Variants in PIGP observed in about 807,000 individuals in gnomAD.
The protein encoded by PIGP is phosphatidylinositol N-acetylglucosaminyltransferase subunit P.
A neutral mutation model predicts 16.9 loss-of-function variants in PIGP; 12 were observed. The ratio of observed to expected loss-of-function variants is 0.71; its 90% CI spans 0.46 to 1.15. The LOEUF is 1.15. Among genes scored for constraint, PIGP ranks in the 50% most tolerant of loss-of-function variants. PIGP has a pLI of 0.00. For missense variants in PIGP, 159 were observed against 153.5 expected (o/e 1.04, Z -0.19); for synonymous variants, 57 against 54.7 (o/e 1.04, Z -0.18).
chr21:37,070,177 A>G (rs889216325), intron 2 of PIGP, among the ~76,000 whole-genome samples: 20 of 152,198 alleles, frequency 1.3e-4, no homozygotes, highest in African/African-American at 3.6e-4. Context: ...AGCATTCTGT[A>G]TGCATTAAGA....
rs778481061 is a variant in PIGP at position 37,065,602 on chromosome 21, CT to C, written c.384del (p.Glu129AsnfsTer34). On this transcript the variant is annotated frameshift_variant, in exon 5 of 5. Coordinates refer to ENST00000360525, the MANE Select transcript of PIGP (RefSeq NM_153682.3). LOFTEE classifies it high-confidence loss of function. ...EVNQMFFLAA[K>X]ELYTKN Reference sequence around the variant, plus strand: ...ACAGTTCAGTTTTTGGTGTAAAGTTCTTTGGCTGCAAGAAAGAACATTTGGT... The same window carrying C: ...ACAGTTCAGTTTTTGGTGTAAAGTTCTTGGCTGCAAGAAAGAACATTTGGT... The C allele has an allele frequency of 3.1e-5, 50 of 1,612,974 alleles. No homozygotes were observed. Among genetic ancestry groups the C allele is most frequent in the Non-Finnish European group, 4.0e-5 (47 of 1,179,644 alleles).
In PIGP at chr21:37,067,426, T is replaced by C. The variant is rs201734246; in HGVS notation, c.156-46A>G. The C allele has an allele frequency of 2.6e-4, 290 of 1,096,574 alleles. 1 individual carries two copies. Among genetic ancestry groups the C allele is most frequent in the Non-Finnish European group, 5.1e-5 (37 of 727,550 alleles). The allele number at this position is 1,096,574 out of a possible 1,614,324, so 67.9% of individuals were successfully genotyped here. On this transcript the variant is annotated intron_variant, in intron 3 of 4. Coordinates refer to ENST00000360525, the MANE Select transcript of PIGP (RefSeq NM_153682.3). ...GTACATAATAGACACTTTAAAAAAG[T>C]TGTAATTCTCAAGAGTCGGTCACAA... is the stretch of plus-strand genomic sequence containing the variant.
chr21:37,066,580 A>G lies in PIGP; in HGVS notation c.274+682T>C, dbSNP rs184198100. Among the ~76,000 whole-genome samples, 61 of 152,342 alleles carry G rather than the reference A, an allele frequency of 4.0e-4. No homozygotes were observed. In the East Asian group the frequency reaches 8.5e-3, roughly 21 times the overall value. ...CATCTTTAGACTTGAAAGAACTTTAAAAAAATAAAACCAGACGAACGTGTT... is the reference window on the plus strand; with the variant it reads ...CATCTTTAGACTTGAAAGAACTTTAGAAAAATAAAACCAGACGAACGTGTT... On this transcript the variant is annotated intron_variant, in intron 4 of 4. Transcript: ENST00000360525.
At chr21:37,071,099 A>G (rs1011761536) in intron 2 of PIGP, among the ~76,000 whole-genome samples, 8 of 152,260 alleles carry the variant, frequency 5.3e-5, no homozygotes, top group Non-Finnish European at 1.0e-4. Context: ...ATTTATTCAT[A>G]TAGCTTCTAA....
chr21:37,069,099 A>C (rs2069955875), intron 3 of PIGP, among the ~76,000 whole-genome samples: 1 of 152,226 alleles, frequency 6.6e-6, no homozygotes, highest in Non-Finnish European at 1.5e-5. Context: ...CCAGAATTAA[A>C]GAGCTACCTG....
At chr21:37,070,555 T>C (rs1266619454) in intron 2 of PIGP, among the ~76,000 whole-genome samples, 4 of 152,170 alleles carry the variant, frequency 2.6e-5, no homozygotes, top group African/African-American at 9.7e-5. Context: ...CTCCTTCCCT[T>C]TGCTTAATTT....
intron 2 of PIGP, among the ~76,000 whole-genome samples, chr21:37,071,904 TCTC>T (rs1389652391): frequency 6.6e-6 from 1 of 152,044 alleles, no homozygotes; most frequent in Non-Finnish European, 1.5e-5. Flanking sequence ...CTGGCCTACT[TCTC>T]CTGTTCCCCA....
chr21:37,066,027 G>A (rs1174796846), intron 4 of PIGP, among the ~76,000 whole-genome samples: 1 of 152,022 alleles, frequency 6.6e-6, no homozygotes, highest in Non-Finnish European at 1.5e-5. Flanking sequence ...AGCCTGCAGT[G>A]AGCCGAGATT....
intron 2 of PIGP, among the ~76,000 whole-genome samples, chr21:37,071,371 G>A (rs1039202908): frequency 7.2e-5 from 11 of 152,150 alleles, no homozygotes; most frequent in African/African-American, 2.7e-4. Context: ...ATCTTTAAAG[G>A]ACAGTAATAA....
chr21:37,071,777 A>G (rs934329909), intron 2 of PIGP, among the ~76,000 whole-genome samples: 1 of 152,096 alleles, frequency 6.6e-6, no homozygotes, highest in Non-Finnish European at 1.5e-5. Flanking sequence ...TTGCTGTGTG[A>G]GTGGGCATAT....
intron 1 of PIGP, 79 bp downstream of exon 1, chr21:37,072,921 T>G: frequency 3.8e-6 from 1 of 262,510 alleles, no homozygotes; most frequent in Non-Finnish European, 7.2e-6. Context: ...CTATTTCTCA[T>G]TCGAGGCGGG....
intron 3 of PIGP, chr21:37,069,295 G>GT (rs771377471): frequency 0.096 from 19,691 of 205,164 alleles, 122 homozygotes; most frequent in Middle Eastern, 0.16. Flanking sequence ...TGTATCTTCA[G>GT]TTTTTTTTTT....
At chr21:37,072,649 C>G (rs1256754998) in intron 1 of PIGP, 112 bp from the exon 2 acceptor site, 1 of 1,572,108 alleles carries the variant, frequency 6.4e-7, no homozygotes, top group Non-Finnish European at 8.7e-7. Context: ...GAACCGCCTC[C>G]CGCGCCTCCG....
chr21:37,067,052 G>C (rs2069917537), intron 4 of PIGP, among the ~76,000 whole-genome samples: 1 of 150,022 alleles, frequency 6.7e-6, no homozygotes, highest in African/African-American at 2.4e-5. Flanking sequence ...TGTCACCCAA[G>C]CTGGAGTACA....
At chr21:37,072,313 TA>T in intron 2 of PIGP, 120 bp downstream of exon 2, 1 of 1,599,428 alleles carries the variant, frequency 6.3e-7, no homozygotes. Flanking sequence ...CAGATTTTCT[TA>T]AAAAGAGACA....
chr21:37,072,837 G>C (rs1408767271), intron 1 of PIGP, 163 bp downstream of exon 1: 1 of 487,922 alleles, frequency 2.0e-6, no homozygotes, highest in Non-Finnish European at 3.6e-6. Context: ...CAAGGCTCGC[G>C]CGGCGCCCAC....
chr21:37,069,589 A>G lies in PIGP; in HGVS notation c.118T>C (p.Trp40Arg). ...TAGGTTAAACCTAAAGAGTTTAGCCAAGATTCAGGAATAAAGGCCCACACG... is the reference window on the plus strand; with the variant it reads ...TAGGTTAAACCTAAAGAGTTTAGCCGAGATTCAGGAATAAAGGCCCACACG... ...YLVWAFIPES[W>R]LNSLGLTYWP... Residue 40 changes from tryptophan (W) to arginine (R), a missense_variant, in exon 3 of 5, where the codon TGG becomes CGG. Transcript: ENST00000360525. The G allele has an allele frequency of 6.4e-7, 1 of 1,570,406 alleles. No individual in the cohort carries two copies. The highest frequency in any genetic ancestry group is 1.2e-5 in the South Asian group (1 of 85,606).
intron 3 of PIGP, 53 bp from the exon 4 acceptor site, chr21:37,067,433 TCTC>T: frequency 1.0e-6 from 1 of 1,000,410 alleles, no homozygotes. Flanking sequence ...AAGTTGTAAT[TCTC>T]AAGAGTCGGT....
Position 37,065,699 on chromosome 21 carries a change from T to C in PIGP, c.288A>G (p.Lys96=). Residue 96 remains lysine (K), a synonymous_variant, in exon 5 of 5, where the codon AAA becomes AAG. Coordinates refer to ENST00000360525, the MANE Select transcript of PIGP (RefSeq NM_153682.3). ...SIHTITDNYA[K]NQQQKKYQEE... is the part of the protein sequence containing the mutation. Reference sequence around the variant, plus strand: ...CTTGGTATTTCTTCTGCTGTTGATTTTTTGCATAGTTATCTGTAAGAAAAG... The same window carrying C: ...CTTGGTATTTCTTCTGCTGTTGATTCTTTGCATAGTTATCTGTAAGAAAAG... 1.9e-6 allele frequency: 3 copies of C among 1,613,124 alleles called. No homozygotes were observed. Among genetic ancestry groups the C allele is most frequent in the Non-Finnish European group, 2.5e-6 (3 of 1,179,604 alleles).
Sources: gnomAD v4.1 joint callset for allele counts (sites outside exome capture counted in the v4.1 genomes callset) on GRCh38, gnomAD v4.1.1 for gene constraint, MANE v1.5 for transcripts, NCBI Gene and HGNC (gene_info 2026-07-23, HGNC 2026-07-21) for gene names.